The following TRIP12 variants were observed in gnomAD, a reference collection of about 807,000 sequenced individuals.
TRIP12 encodes thyroid hormone receptor interactor 12, also known as E3 ubiquitin-protein ligase TRIP12.
Under a neutral mutation model 244.2 loss-of-function variants are expected in TRIP12, and 25 were observed. The observed-to-expected ratio is 0.10, with a 90% CI of 0.07 to 0.14. The LOEUF (loss-of-function observed/expected upper bound fraction) is 0.14, where lower values mean the gene tolerates loss of function less well. Among genes scored for constraint, TRIP12 ranks in the 10% least tolerant of loss-of-function variants. TRIP12 has a pLI of 1.00. For missense variants in TRIP12, 1,677 were observed against 2,486.4 expected, an observed-to-expected ratio of 0.67 and a Z score of 6.92; for synonymous variants, 905 against 873.1, an observed-to-expected ratio of 1.04 and a Z score of -0.64.
intron 2 of TRIP12, among the ~76,000 whole-genome samples, chr2:229,875,013 G>A (rs1170310634): frequency 6.6e-6 from 1 of 152,194 alleles, no homozygotes; most frequent in Non-Finnish European, 1.5e-5. Context: ...ACTGGAAAAG[G>A]CTAGGTAGTA....
chr2:229,867,386 G>A (rs11674999), intron 2 of TRIP12, among the ~76,000 whole-genome samples: 2 of 151,768 alleles, frequency 1.3e-5, no homozygotes, highest in Admixed American at 6.6e-5. Context: ...GGCTGGTCTC[G>A]AACTTCTGAC....
intron 8 of TRIP12, among the ~76,000 whole-genome samples, chr2:229,821,196 C>T (rs767721119): frequency 2.6e-5 from 4 of 152,218 alleles, no homozygotes; most frequent in Middle Eastern, 3.4e-3. Flanking sequence ...ATTGCTAGTA[C>T]CGTTTAGTGC....
At chr2:229,805,930 T>C in intron 17 of TRIP12, 47 bp from the exon 18 acceptor site, 1 of 1,450,622 alleles carries the variant, frequency 6.9e-7, no homozygotes, top group Non-Finnish European at 9.3e-7. Context: ...TTGAGAAATC[T>C]ATTACCTTAA....
Position 229,804,027 on chromosome 2 carries a change from C to T in TRIP12, c.2851G>A (p.Asp951Asn). Residue 951 changes from aspartate to asparagine, a missense_variant, in exon 19 of 42, where the codon GAT becomes AAT. Physicochemically the swap from Asp to Asn is conservative, Grantham distance 23 (BLOSUM62 1). Coordinates refer to ENST00000675903, the MANE Select transcript of TRIP12 (RefSeq NM_001348323.3). The part of the protein sequence containing the change: ...IYFADAELLK[D>N]VLKNHAVSSH... ...GAAACAGCATGATTTTTCAGAACAT[C>T]CTTCAGAAGTTCAGCATCCGCAAAA... 1 of 1,613,530 alleles carries T rather than the reference C, an allele frequency of 6.2e-7. No homozygotes were observed.
chr2:229,861,129 CTT>C (rs774740377), intron 2 of TRIP12, among the ~76,000 whole-genome samples: 14 of 152,094 alleles, frequency 9.2e-5, no homozygotes, highest in Non-Finnish European at 2.1e-4. Context: ...CTTTAAAGTA[CTT>C]GTCAACAGAA....
intron 11 of TRIP12, chr2:229,814,586 G>T (rs771436640): frequency 9.4e-6 from 3 of 319,584 alleles, no homozygotes; most frequent in Admixed American, 4.5e-5. Flanking sequence ...TAAATCTTCA[G>T]ATTTAAAATA....
chr2:229,786,436 T>C (rs2040039340), intron 33 of TRIP12, among the ~76,000 whole-genome samples: 1 of 149,672 alleles, frequency 6.7e-6, no homozygotes, highest in Non-Finnish European at 1.5e-5. Context: ...TCTCGCTCTG[T>C]TGCCAGGCTG....
rs34496202 is a variant in TRIP12, at chr2:229,872,104, T to TAAAAAAAA, written c.98+7870_98+7877dup. Among the ~76,000 whole-genome samples the TAAAAAAAA allele has an allele frequency of 3.1e-4, 33 of 105,256 alleles. 2 individuals carry two copies. The highest frequency in any genetic ancestry group is 9.7e-4 in the African/African-American group (28 of 28,872). The allele number at this position is 105,256 out of a possible 152,430, so 69.1% of individuals were successfully genotyped here. A position where few individuals can be genotyped will look rare whatever the true frequency, so the allele number is the denominator to read the frequency against. On this transcript the variant is annotated intron_variant, in intron 2 of 41. Coordinates refer to ENST00000675903, the MANE Select transcript of TRIP12 (RefSeq NM_001348323.3). ...AATATAGTTTTAATGACAGATATTG[T>TAAAAAAAA]AAAAAAAAAAAAAAAAAAAAAAAAA...
chr2:229,917,312 C>T (rs1422495655), intron 1 of TRIP12, among the ~76,000 whole-genome samples: 4 of 131,024 alleles, frequency 3.1e-5, no homozygotes, highest in East Asian at 5.0e-4. Context: ...ACCCTGGAGG[C>T]GGAGCCTGCA....
At chr2:229,922,718 GC>G, upstream of TRIP12, 2 of 1,115,292 alleles carry the variant, frequency 1.8e-6, no homozygotes, top group Non-Finnish European at 2.6e-6. Flanking sequence ...CGCCGGAAGC[GC>G]CCAGTCCCGG....
chr2:229,899,124 C>T (rs970428923), intron 1 of TRIP12, among the ~76,000 whole-genome samples: 1 of 152,110 alleles, frequency 6.6e-6, no homozygotes, highest in Non-Finnish European at 1.5e-5. Context: ...AAAACCACAG[C>T]CATCAAATTT....
rs2031674297 is a variant in TRIP12, at chr2:229,766,207, G to C, written c.*1347C>G. The C allele has an allele frequency of 6.6e-6, 1 of 151,994 alleles. No homozygotes were observed. Among genetic ancestry groups the C allele is most frequent in the African/African-American group, 2.4e-5 (1 of 41,362 alleles). The allele number at this position is 151,994 out of a possible 1,614,324, so 9.4% of individuals were successfully genotyped here. On this transcript the variant is annotated 3_prime_UTR_variant, in exon 42 of 42. Transcript: ENST00000675903. ...AGGCCTAGTTTTGGACCTTAGGAAGGAATCTCCTCCCATTTTCTCTTCACA... is the reference window on the plus strand; with the variant it reads ...AGGCCTAGTTTTGGACCTTAGGAAGCAATCTCCTCCCATTTTCTCTTCACA...
rs541067143 is a variant in TRIP12 at position 229,916,402 on chromosome 2, C to A, written c.-50+5478G>T. Among the ~76,000 whole-genome samples the A allele has an allele frequency of 2.0e-5, 3 of 152,256 alleles. No homozygotes were observed. The East Asian group carries it at 5.8e-4, about 29-fold the overall frequency. On this transcript the variant is annotated intron_variant, in intron 1 of 41. Coordinates refer to ENST00000675903, the MANE Select transcript of TRIP12 (RefSeq NM_001348323.3). ...GAATGACTTTTTAAATCAAGCATAA[C>A]CATGATAGCCAAGTGTGGAGGTGCC...
chr2:229,797,492 T>C lies in TRIP12; in HGVS notation c.3624+198A>G, dbSNP rs144481291. On this transcript the variant is annotated intron_variant, in intron 24 of 41. Coordinates refer to ENST00000675903, the MANE Select transcript of TRIP12 (RefSeq NM_001348323.3). ...AGAAAGTCAAAGATGAGGTTTCTAGTACATTTAATACAGACTGATGAATCC... is the reference window on the plus strand; with the variant it reads ...AGAAAGTCAAAGATGAGGTTTCTAGCACATTTAATACAGACTGATGAATCC... Among the ~76,000 whole-genome samples, 183 of 152,324 alleles carry C rather than the reference T, an allele frequency of 1.2e-3. 2 individuals are homozygous for C. The East Asian group carries it at 0.018, about 15-fold the overall frequency.
At chr2:229,858,739 T>C in intron 4 of TRIP12, 33 bp downstream of exon 4, 1 of 1,525,818 alleles carries the variant, frequency 6.6e-7, no homozygotes, top group Non-Finnish European at 8.8e-7. Flanking sequence ...AAACTTTCTT[T>C]AATTAAAGAA....
intron 17 of TRIP12, among the ~76,000 whole-genome samples, chr2:229,806,619 G>T (rs1212994409): frequency 1.3e-5 from 2 of 152,174 alleles, no homozygotes; most frequent in East Asian, 3.8e-4. Context: ...ACGACTTAGA[G>T]TTAGAGACCA....
chr2:229,777,345 C>G lies in TRIP12; in HGVS notation c.5499G>C (p.Gln1833His). 2.5e-6 allele frequency: 4 copies of G among 1,613,402 alleles called. No individual in the cohort carries two copies. The highest frequency in any genetic ancestry group is 3.4e-6 in the Non-Finnish European group (4 of 1,179,496). The change falls in exon 37 of 42, where the codon CAG becomes CAC. Residue 1833 changes from glutamine (Q) to histidine (H), a missense_variant. Gln to His is a conservative substitution (Grantham distance 24). Around this residue, in one of 11 missense-constraint regions of TRIP12, gnomAD observed 171 missense variants for 388.4 expected, o/e 0.44. Coordinates refer to ENST00000675903, the MANE Select transcript of TRIP12 (RefSeq NM_001348323.3). ...ATTTATCTTGTTCAAGTCTTTTCTT[C>G]TGTCTGACAATGTCTTCTAGGTGAT... ...SVYHLEDIVRQKKRLEQDKSQ... is the reference protein window; with the variant it reads ...SVYHLEDIVRHKKRLEQDKSQ...
At chr2:229,862,054 AT>A (rs2060563277) in intron 2 of TRIP12, among the ~76,000 whole-genome samples, 1 of 151,910 alleles carries the variant, frequency 6.6e-6, no homozygotes, top group African/African-American at 2.4e-5. Flanking sequence ...TGTTGTTGTT[AT>A]TTTTTATTTT....
At chr2:229,820,366 A>G (rs1199717524) in intron 8 of TRIP12, among the ~76,000 whole-genome samples, 2 of 152,198 alleles carry the variant, frequency 1.3e-5, no homozygotes, top group Non-Finnish European at 2.9e-5. Flanking sequence ...TAAACTGAAG[A>G]TGACAACAAA....
Sources: gnomAD v4.1 joint callset for allele counts (sites outside exome capture counted in the v4.1 genomes callset) on GRCh38, gnomAD v4.1.1 for gene constraint, gnomAD v4.1.1 regional missense constraint, MANE v1.5 for transcripts, NCBI Gene and HGNC (gene_info 2026-07-23, HGNC 2026-07-21) for gene names.